The following ENOX2 variants were observed in gnomAD, a reference collection of about 807,000 sequenced individuals.
The protein encoded by ENOX2 is APK1 antigen.
In ENOX2, 36 loss-of-function variants were observed where a neutral mutation model predicts 45.0. The ratio of observed to expected loss-of-function variants is 0.80; its 90% confidence interval spans 0.61 to 1.06. The LOEUF (loss-of-function observed/expected upper bound fraction) is 1.06, where lower values mean the gene tolerates loss of function less well. Among genes scored for constraint, ENOX2 ranks in the 50% least tolerant of loss-of-function variants. The pLI is 0.00. For missense variants in ENOX2, 423 were observed against 462.5 expected (o/e 0.91, Z 0.78); for synonymous variants, 174 against 152.3 (o/e 1.14, Z -1.05).
At chrX:130,697,324 T>C (rs1408266110) in intron 4 of ENOX2, among the ~76,000 whole-genome samples, 1 of 112,317 alleles carries the variant, frequency 8.9e-6, no homozygotes, top group East Asian at 2.8e-4. Flanking sequence ...ACAATACTTA[T>C]GTACAAGTTT....
chrX:130,898,505 C>CGT (rs749676899), intron 2 of ENOX2, among the ~76,000 whole-genome samples: 13 of 108,267 alleles, frequency 1.2e-4, no homozygotes, highest in East Asian at 2.9e-4. Flanking sequence ...TGTGTGTGTG[C>CGT]GTGTGTGTGT....
chrX:130,743,498 G>C (rs1021426932), intron 3 of ENOX2, among the ~76,000 whole-genome samples: 1 of 107,335 alleles, frequency 9.3e-6, no homozygotes, highest in African/African-American at 3.4e-5. Context: ...TTGAGAAAGA[G>C]TCTCACTCTG....
intron 3 of ENOX2, among the ~76,000 whole-genome samples, chrX:130,753,427 C>T (rs1201636083): frequency 9.0e-6 from 1 of 111,243 alleles, no homozygotes; most frequent in Non-Finnish European, 1.9e-5. Context: ...GATCTCTATA[C>T]CTTTATCTAT....
chrX:130,669,667 C>T (rs1265990699), intron 7 of ENOX2, among the ~76,000 whole-genome samples: 1 of 112,098 alleles, frequency 8.9e-6, no homozygotes, highest in African/African-American at 3.2e-5. Flanking sequence ...TAGATCATGC[C>T]TAAAAGTCTC....
chrX:130,844,546 C>A (rs1191343678), intron 2 of ENOX2, among the ~76,000 whole-genome samples: 3 of 111,235 alleles, frequency 2.7e-5, no homozygotes, highest in Non-Finnish European at 5.7e-5. Flanking sequence ...AATCGTTACA[C>A]GATAAAAAAT....
Position 130,622,592 on chromosome X carries a change from G to A in ENOX2, c.*2722C>T, listed in dbSNP as rs1186377502. ...CCATTCATTATTATATTGAAGAAAC[G>A]CTAACTACTGTATCTCATAAACATA... is the stretch of plus-strand genomic sequence containing the variant. On this transcript the variant is annotated 3_prime_UTR_variant, in exon 15 of 15. Coordinates refer to ENST00000394363, the MANE Select transcript of ENOX2 (RefSeq NM_006375.4). Among the ~76,000 whole-genome samples, 2 of 111,288 alleles carry A rather than the reference G, an allele frequency of 1.8e-5. No homozygotes were observed. Among genetic ancestry groups the A allele is most frequent in the Non-Finnish European group, 3.8e-5 (2 of 53,083 alleles).
At chrX:130,788,810 A>C (rs1226425576) in intron 2 of ENOX2, among the ~76,000 whole-genome samples, 1 of 112,279 alleles carries the variant, frequency 8.9e-6, no homozygotes, top group African/African-American at 3.2e-5. Context: ...CAAAATTTAC[A>C]GTTTGTCCAA....
chrX:130,642,938 G>A (rs1315358123), intron 10 of ENOX2, among the ~76,000 whole-genome samples: 4 of 111,655 alleles, frequency 3.6e-5, no homozygotes, highest in African/African-American at 9.8e-5. Context: ...TTATTGCAGC[G>A]GTCTGAAATG....
chrX:130,880,974 G>T (rs189337177), intron 2 of ENOX2, among the ~76,000 whole-genome samples: 76 of 112,503 alleles, frequency 6.8e-4, no homozygotes, highest in African/African-American at 2.4e-3. Flanking sequence ...ATTCCAGTTT[G>T]ATTTCCTGTT....
Position 130,783,184 on chromosome X carries a change from C to T in ENOX2, c.-39+363G>A, listed in dbSNP as rs776543785. 2.5e-4 allele frequency among the ~76,000 whole-genome samples: 28 copies of T among 112,113 alleles called. 1 individual carries two copies. The South Asian group carries it at 0.011, about 42-fold the overall frequency. ...CTTCTACCTAAATCGATGCTCTTTA[C>T]TCATCTCTTGTCTCAAGCCTACCCA... On this transcript the variant is annotated intron_variant, in intron 3 of 14. Transcript: ENST00000394363.
At chrX:130,666,653 A>G (rs963745958) in intron 8 of ENOX2, among the ~76,000 whole-genome samples, 7 of 111,580 alleles carry the variant, frequency 6.3e-5, no homozygotes, top group African/African-American at 2.0e-4. Context: ...AATTTATCCT[A>G]AAGTCCTGAA....
At chrX:130,761,832 A>C (rs1000856358) in intron 3 of ENOX2, among the ~76,000 whole-genome samples, 4 of 111,329 alleles carry the variant, frequency 3.6e-5, no homozygotes, top group African/African-American at 1.3e-4. Context: ...ACCAGGCCCC[A>C]CCTCCAACAC....
chrX:130,843,968 A>G (rs2078057166), intron 2 of ENOX2, among the ~76,000 whole-genome samples: 1 of 112,301 alleles, frequency 8.9e-6, no homozygotes, highest in South Asian at 3.7e-4. Flanking sequence ...AGTGTCTGGT[A>G]CATCATAGTT....
At chrX:130,647,576 G>A (rs745997802) in intron 10 of ENOX2, among the ~76,000 whole-genome samples, 4 of 112,139 alleles carry the variant, frequency 3.6e-5, no homozygotes, top group Non-Finnish European at 5.6e-5. Context: ...TAGCATATTT[G>A]ATCCTAAGAT....
chrX:130,789,790 T>C (rs1046251693), intron 2 of ENOX2, among the ~76,000 whole-genome samples: 6 of 112,399 alleles, frequency 5.3e-5, no homozygotes, highest in African/African-American at 1.9e-4. Flanking sequence ...ATTAAGATAA[T>C]GGCCAGGCCC....
chrX:130,647,967 A>T (rs1379809819), intron 10 of ENOX2, among the ~76,000 whole-genome samples: 2 of 111,833 alleles, frequency 1.8e-5, no homozygotes, highest in African/African-American at 3.3e-5. Flanking sequence ...TGCATTAAAC[A>T]TTTCAGATTC....
intron 2 of ENOX2, among the ~76,000 whole-genome samples, chrX:130,885,655 G>A (rs2078889596): frequency 8.9e-6 from 1 of 112,023 alleles, no homozygotes; most frequent in African/African-American, 3.2e-5. Flanking sequence ...GAGCTGGCAA[G>A]GAGATAATGT....
intron 3 of ENOX2, among the ~76,000 whole-genome samples, chrX:130,748,454 A>G (rs895755003): frequency 2.7e-5 from 3 of 111,806 alleles, no homozygotes; most frequent in Non-Finnish European, 5.6e-5. Flanking sequence ...TAAGCTCCCT[A>G]CTTAGTAGTC....
intron 2 of ENOX2, among the ~76,000 whole-genome samples, chrX:130,837,840 G>A (rs1489888744): frequency 8.9e-6 from 1 of 111,839 alleles, no homozygotes; most frequent in East Asian, 2.8e-4. Flanking sequence ...TAAGTGCTCA[G>A]TAAATATCAG....
Sources: allele counts gnomAD v4.1 joint callset (sites outside exome capture counted in the v4.1 genomes callset), GRCh38; gene constraint gnomAD v4.1.1; transcripts MANE v1.5; gene names NCBI Gene and HGNC (gene_info 2026-07-23, HGNC 2026-07-21).